Variants in SLC12A5 observed in about 807,000 individuals in gnomAD.
The protein encoded by SLC12A5 is solute carrier family 12 member 5, also known as K-Cl cotransporter 2.
Under a neutral mutation model 124.0 loss-of-function variants are expected in SLC12A5, and 18 were observed. The observed-to-expected ratio is 0.15, with a 90% CI of 0.10 to 0.22. The LOEUF (loss-of-function observed/expected upper bound fraction) is 0.22. Among genes scored for constraint, SLC12A5 ranks in the 10% least tolerant of loss-of-function variants. The pLI, the probability that SLC12A5 is intolerant of heterozygous loss-of-function variation, is 1.00. For missense variants in SLC12A5, 867 were observed against 1,478.7 expected (o/e 0.59, Z 6.78); for synonymous variants, 589 against 568.0 (o/e 1.04, Z -0.53).
chr20:46,048,373 A>T (rs2084617410), intron 16 of SLC12A5, among the ~76,000 whole-genome samples: 1 of 152,156 alleles, frequency 6.6e-6, no homozygotes. Context: ...TTCATAAAAC[A>T]TGAATGCCTG....
Position 46,057,993 on chromosome 20 carries a change from CTG to C in SLC12A5, c.*389_*390del, listed in dbSNP as rs1426194164. 1 of 187,420 alleles carries C rather than the reference CTG, an allele frequency of 5.3e-6. No individual in the cohort carries two copies. The highest frequency in any genetic ancestry group is 1.1e-5 in the Non-Finnish European group (1 of 92,840). 11.6% of individuals were successfully genotyped at this position (187,420 alleles called of 1,614,324 possible). The stretch of plus-strand genomic sequence containing the variant: ...TCCCACTCCCGCCGCGGTCCTCGCT[CTG>C]CGCTCCTCCGGCGCTGCTCCCTGGC... On this transcript the variant is annotated 3_prime_UTR_variant, in exon 26 of 26. Transcript: ENST00000243964. This position sits in a 1 kb window ranked among gnomAD's most constrained non-coding sequence, Gnocchi z 7.1.
At position 46,043,793 on chromosome 20, in the gene SLC12A5, C is replaced by CCT; in HGVS notation, c.1336+62_1336+63insCT. The CCT allele has an allele frequency of 1.1e-5, 18 of 1,610,464 alleles. No individual in the cohort carries two copies. The South Asian group carries it at 1.9e-4, about 17-fold the overall frequency. On this transcript the variant is annotated intron_variant, in intron 10 of 25. Transcript: ENST00000243964. ...GAGGGCAAGAGGGAGGGCAGCTGAA[C>CCT]TTGCTGCCTTACCTGCTGGTGCAGG...
At chr20:46,041,574 A>C (rs2084548128) in intron 8 of SLC12A5, 34 bp downstream of exon 8, 2 of 1,607,568 alleles carry the variant, frequency 1.2e-6, no homozygotes, top group Admixed American at 1.7e-5. Flanking sequence ...CATCCAGGGA[A>C]CGCTGCAGGG....
At position 46,041,556 on chromosome 20, in the gene SLC12A5, AG is replaced by A. The variant is rs1368393465; in HGVS notation, c.1066+19del. ...CTCATCAAAGGTCTGCGGAGGGACA[AG>A]GGCTGGCATCCAGGGAACGCTGCAG... On this transcript the variant is annotated intron_variant, in intron 8 of 25. Coordinates refer to ENST00000243964, the MANE Select transcript of SLC12A5 (RefSeq NM_020708.5). The A allele has an allele frequency of 6.2e-7, 1 of 1,613,012 alleles. No homozygotes were observed. The highest frequency in any genetic ancestry group is 2.2e-5 in the East Asian group (1 of 44,884).
At chr20:46,042,975 T>C (rs1397747867) in intron 8 of SLC12A5, among the ~76,000 whole-genome samples, 178 bp from the exon 9 acceptor site, 2 of 152,108 alleles carry the variant, frequency 1.3e-5, no homozygotes, top group African/African-American at 4.8e-5. Context: ...GGTCTGTACA[T>C]AGCCTGGCCC....
rs1365573127 is a variant in SLC12A5, at chr20:46,040,565, G to T, written c.805G>T (p.Ala269Ser). The change falls in exon 7 of 26, where the codon GCC becomes TCC. Residue 269 changes from alanine to serine, a missense_variant. Transcript: ENST00000243964. ...GGGTTGTGTCATCCTCTCCATCCTG[G>T]CCATCTATGCTGGGGTCATCAAGTC... ...FLGCVILSIL[A>S]IYAGVIKSAF... 3.1e-6 allele frequency: 5 copies of T among 1,614,014 alleles called. No individual in the cohort carries two copies. Among genetic ancestry groups the T allele is most frequent in the Non-Finnish European group, 4.2e-6 (5 of 1,180,044 alleles).
At chr20:46,039,929 T>C (rs1448850828) in intron 6 of SLC12A5, among the ~76,000 whole-genome samples, 4 of 152,214 alleles carry the variant, frequency 2.6e-5, no homozygotes, top group Admixed American at 6.5e-5. Context: ...TCCACCTTTC[T>C]ATTAGAAATT....
At position 46,045,292 on chromosome 20, in the gene SLC12A5, G is replaced by T. The variant is rs1270539059; in HGVS notation, c.1569+152G>T. ...GCACTGGCCAGGCCTATCTGGCAGG[G>T]TCTGAGGCACAGGGACAGGGTGGTG... On this transcript the variant is annotated intron_variant, in intron 12 of 25. Coordinates refer to ENST00000243964, the MANE Select transcript of SLC12A5 (RefSeq NM_020708.5). The surrounding 1 kb of genome is among the most constrained non-coding windows in gnomAD (Gnocchi z 4.9). 28 of 968,488 alleles carry T rather than the reference G, an allele frequency of 2.9e-5. No individual in the cohort carries two copies. Among genetic ancestry groups the T allele is most frequent in the Non-Finnish European group, 3.8e-5 (26 of 687,304 alleles). The allele number at this position is 968,488 out of a possible 1,614,324, so 60.0% of individuals were successfully genotyped here.
In SLC12A5 at chr20:46,041,400, G is replaced by A. The variant is rs1371576683; in HGVS notation, c.926G>A (p.Gly309Glu). 6.2e-7 allele frequency: 1 copy of A among 1,614,132 alleles called. No homozygotes were observed. ...GTCTGTGCCAAGCTGGCTTGGGAAGGAAATGAGACGGTGACCACACGGCTA... is the reference window on the plus strand; with the variant it reads ...GTCTGTGCCAAGCTGGCTTGGGAAGAAAATGAGACGGTGACCACACGGCTA... ...FDVCAKLAWE[G>E]NETVTTRLWG... The change falls in exon 8 of 26, where the codon GGA (glycine) becomes GAA (glutamate). Residue 309 changes from glycine to glutamate, a missense_variant. Coordinates refer to ENST00000243964, the MANE Select transcript of SLC12A5 (RefSeq NM_020708.5).
intron 18 of SLC12A5, among the ~76,000 whole-genome samples, chr20:46,052,198 G>A (rs1366046621): frequency 6.6e-6 from 1 of 152,220 alleles, no homozygotes; most frequent in South Asian, 2.1e-4. Context: ...CTTCCTAGCT[G>A]TGTGACTGTG....
Position 46,056,923 on chromosome 20 carries a change from A to G in SLC12A5, c.3125+12A>G. ...GAGTGGGAGAACTTGTAAGTGCTTC[A>G]GCATTTTTTCATTCTCTCTCCTAGG... On this transcript the variant is annotated intron_variant, in intron 24 of 25. Coordinates refer to ENST00000243964, the MANE Select transcript of SLC12A5 (RefSeq NM_020708.5). This position sits in a 1 kb window ranked among gnomAD's most constrained non-coding sequence, Gnocchi z 4.3. 1 of 1,614,132 alleles carries G rather than the reference A, an allele frequency of 6.2e-7. No individual in the cohort carries two copies. The highest frequency in any genetic ancestry group is 8.5e-7 in the Non-Finnish European group (1 of 1,180,006).
chr20:46,049,659 C>A lies in SLC12A5; in HGVS notation c.2050C>A (p.Gln684Lys). 6.2e-7 allele frequency: 1 copy of A among 1,606,624 alleles called. No homozygotes were observed. The highest frequency in any genetic ancestry group is 8.5e-7 in the Non-Finnish European group (1 of 1,176,824). The change falls in exon 17 of 26, where the codon CAG becomes AAG. Residue 684 changes from glutamine (Q) to lysine (K), a missense_variant. Coordinates refer to ENST00000243964, the MANE Select transcript of SLC12A5 (RefSeq NM_020708.5). ...GGTGCTGGTGCGTGTGGACCAAGAC[C>A]AGAATGTGGTGCACCCCCAGCTGCT... ...LLVLVRVDQD[Q>K]NVVHPQLLSL...
chr20:46,053,833 C>T lies in SLC12A5; in HGVS notation c.2679+124C>T, dbSNP rs1600605093. On this transcript the variant is annotated intron_variant, in intron 20 of 25. Coordinates refer to ENST00000243964, the MANE Select transcript of SLC12A5 (RefSeq NM_020708.5). The surrounding 1 kb of genome is among the most constrained non-coding windows in gnomAD (Gnocchi z 4.7). ...GCTGGATCCTTTCCCCCTCATCCAT[C>T]TCTTAGCCTCTCACATATTCAGCCA... 2.7e-6 allele frequency: 3 copies of T among 1,098,114 alleles called. No homozygotes were observed. In the Admixed American group the frequency reaches 8.6e-5, roughly 32 times the overall value. 68.0% of individuals were successfully genotyped at this position (1,098,114 alleles called of 1,614,324 possible).
At chr20:46,051,423 G>A (rs1455341772) in intron 17 of SLC12A5, among the ~76,000 whole-genome samples, 5 of 152,202 alleles carry the variant, frequency 3.3e-5, no homozygotes, top group Middle Eastern at 6.8e-3. Flanking sequence ...CAGGGGGGCT[G>A]TATGAGCAGT....
rs994933990 is a variant in SLC12A5 at position 46,045,275 on chromosome 20, C to G, written c.1569+135C>G. 9 of 1,083,096 alleles carry G rather than the reference C, an allele frequency of 8.3e-6. No homozygotes were observed. The highest frequency in any genetic ancestry group is 1.1e-5 in the Non-Finnish European group (9 of 787,008). The allele number at this position is 1,083,096 out of a possible 1,614,324, so 67.1% of individuals were successfully genotyped here. ...CACTTCTGCTCTGTACTGCACTGGC[C>G]AGGCCTATCTGGCAGGGTCTGAGGC... On this transcript the variant is annotated intron_variant, in intron 12 of 25. Transcript: ENST00000243964. This position sits in a 1 kb window ranked among gnomAD's most constrained non-coding sequence, Gnocchi z 4.9.
At chr20:46,044,503 C>G (rs550059164) in intron 11 of SLC12A5, among the ~76,000 whole-genome samples, 1 of 152,252 alleles carries the variant, frequency 6.6e-6, no homozygotes, top group Non-Finnish European at 1.5e-5. Context: ...TAAGGCTGAG[C>G]AGAGATTAGG....
chr20:46,053,801 T>G lies in SLC12A5; in HGVS notation c.2679+92T>G, dbSNP rs1322821011. On this transcript the variant is annotated intron_variant, in intron 20 of 25. Transcript: ENST00000243964. The surrounding 1 kb of genome is among the most constrained non-coding windows in gnomAD (Gnocchi z 4.7). ...TAGGGCAACTCTAACACCCATCAGC[T>G]TATGATGCTGGATCCTTTCCCCCTC... The G allele has an allele frequency of 1.5e-6, 2 of 1,346,830 alleles. No homozygotes were observed. Among genetic ancestry groups the G allele is most frequent in the African/African-American group, 3.0e-5 (2 of 67,568 alleles). The allele number at this position is 1,346,830 out of a possible 1,614,324, so 83.4% of individuals were successfully genotyped here. A position where few individuals can be genotyped will look rare whatever the true frequency, so the allele number is the denominator to read the frequency against.
intron 8 of SLC12A5, among the ~76,000 whole-genome samples, 159 bp downstream of exon 8, chr20:46,041,699 G>A (rs2084549444): frequency 6.6e-6 from 1 of 152,192 alleles, no homozygotes; most frequent in Non-Finnish European, 1.5e-5. Flanking sequence ...TCAGGGAGGA[G>A]TAAGGTGAAA....
At chr20:46,052,813 G>A in intron 18 of SLC12A5, 144 bp from the exon 19 acceptor site, 1 of 821,238 alleles carries the variant, frequency 1.2e-6, no homozygotes, top group Non-Finnish European at 1.9e-6. Flanking sequence ...GTAGATGCTG[G>A]TTTTCTGACC....
Sources: allele counts gnomAD v4.1 joint callset (sites outside exome capture counted in the v4.1 genomes callset), GRCh38; gene constraint gnomAD v4.1.1; non-coding constraint Gnocchi (gnomAD v3.1); transcripts MANE v1.5; gene names NCBI Gene and HGNC (gene_info 2026-07-23, HGNC 2026-07-21).